INPP5F: variants seen among roughly 807,000 people sequenced by gnomAD.
The protein encoded by INPP5F is inositol polyphosphate-5-phosphatase F, also known as phosphatidylinositide 4-phosphatase SAC2.
Under a neutral mutation model 137.2 loss-of-function variants are expected in INPP5F, and 97 were observed. The observed-to-expected ratio is 0.71, with a 90% CI of 0.60 to 0.84. The LOEUF is 0.84. INPP5F is among the 40% of genes least tolerant of loss of function. INPP5F has a pLI of 0.00. For missense variants in INPP5F, 1,271 were observed against 1,371.9 expected (o/e 0.93, Z 1.16); for synonymous variants, 504 against 476.9 (o/e 1.06, Z -0.74).
rs1363022914 is a variant in INPP5F at position 119,828,465 on chromosome 10, G to T, written c.*685G>T. 2.6e-5 allele frequency: 4 copies of T among 152,108 alleles called. No individual in the cohort carries two copies. Among genetic ancestry groups the T allele is most frequent in the Admixed American group, 1.3e-4 (2 of 15,266 alleles). The allele number at this position is 152,108 out of a possible 1,614,324, so 9.4% of individuals were successfully genotyped here. A position where few individuals can be genotyped will look rare whatever the true frequency, so the allele number is the denominator to read the frequency against. On this transcript the variant is annotated 3_prime_UTR_variant, in exon 20 of 20. Transcript: ENST00000650623. ...CAGAGGTGAATACCAGCACCTATTAGGTTTCATTTTGCTGTTTTCAGGAAT... is the reference window on the plus strand; with the variant it reads ...CAGAGGTGAATACCAGCACCTATTATGTTTCATTTTGCTGTTTTCAGGAAT...
chr10:119,796,593 T>C, intron 6 of INPP5F, 122 bp from the exon 7 acceptor site: 1 of 823,272 alleles, frequency 1.2e-6, no homozygotes, highest in East Asian at 2.4e-5. Context: ...GAAAATATGG[T>C]TGAATAATGG....
At chr10:119,809,540 T>A (rs992494206) in intron 13 of INPP5F, among the ~76,000 whole-genome samples, 1 of 152,150 alleles carries the variant, frequency 6.6e-6, no homozygotes, top group African/African-American at 2.4e-5. Context: ...TGCTCTGACA[T>A]CTTTGTTGTG....
intron 16 of INPP5F, 114 bp from the exon 17 acceptor site, chr10:119,822,317 C>T: frequency 1.9e-6 from 1 of 522,602 alleles, no homozygotes; most frequent in South Asian, 3.2e-5. Flanking sequence ...AATGTATGTG[C>T]TGTGGAAGAT....
rs1327046348 is a variant in INPP5F, at chr10:119,729,569, T to C, written c.97+3210T>C. On this transcript the variant is annotated intron_variant, in intron 1 of 19. Transcript: ENST00000650623. ...TATATTTCTATCTGATGTAGCATTA[T>C]CTCATTATCTTTTTTTTTTTTTTCT... 3.6e-5 allele frequency among the ~76,000 whole-genome samples: 5 copies of C among 139,406 alleles called. 1 individual carries two copies. The highest frequency in any genetic ancestry group is 1.3e-4 in the African/African-American group (5 of 37,332). 91.5% of individuals were successfully genotyped at this position (139,406 alleles called of 152,430 possible).
In INPP5F at chr10:119,760,249, C is replaced by T. The variant is rs535091335; in HGVS notation, c.178+9093C>T. 6.6e-5 allele frequency among the ~76,000 whole-genome samples: 10 copies of T among 152,224 alleles called. No individual in the cohort carries two copies. In the South Asian group the frequency reaches 2.1e-3, roughly 32 times the overall value. Reference sequence around the variant, plus strand: ...TTTCTTCAGTGATTTCAGTAGCAGCCATATTAAAGGTTTGTTTTCTAGCCT... The same window carrying T: ...TTTCTTCAGTGATTTCAGTAGCAGCTATATTAAAGGTTTGTTTTCTAGCCT... On this transcript the variant is annotated intron_variant, in intron 2 of 19. Coordinates refer to ENST00000650623, the MANE Select transcript of INPP5F (RefSeq NM_014937.4).
chr10:119,763,662 T>C (rs1849070702), intron 2 of INPP5F, among the ~76,000 whole-genome samples: 1 of 152,230 alleles, frequency 6.6e-6, no homozygotes, highest in African/African-American at 2.4e-5. Flanking sequence ...GGCACACCTG[T>C]AGTGTTTTCC....
At chr10:119,726,878 C>T (rs977315444) in intron 1 of INPP5F, among the ~76,000 whole-genome samples, 2 of 152,196 alleles carry the variant, frequency 1.3e-5, no homozygotes, top group African/African-American at 4.8e-5. Context: ...CTGTGGTTAC[C>T]TCATAGGCAC....
At chr10:119,762,032 G>A (rs1382318822) in intron 2 of INPP5F, among the ~76,000 whole-genome samples, 1 of 152,134 alleles carries the variant, frequency 6.6e-6, no homozygotes, top group Non-Finnish European at 1.5e-5. Flanking sequence ...TAGAACCTCC[G>A]TATATGAAAA....
At chr10:119,795,303 C>G (rs1159289622) in intron 6 of INPP5F, among the ~76,000 whole-genome samples, 19 of 151,778 alleles carry the variant, frequency 1.3e-4, no homozygotes, top group Non-Finnish European at 2.8e-4. Flanking sequence ...CAGGCGGAGA[C>G]GCTCCTCACT....
chr10:119,726,807 A>G (rs958609839), intron 1 of INPP5F, among the ~76,000 whole-genome samples: 1 of 152,138 alleles, frequency 6.6e-6, no homozygotes, highest in Non-Finnish European at 1.5e-5. Context: ...TCTGCTGGAC[A>G]CTCACTCCCT....
chr10:119,801,658 T>C (rs528420419), intron 9 of INPP5F, among the ~76,000 whole-genome samples: 1 of 152,284 alleles, frequency 6.6e-6, no homozygotes, highest in South Asian at 2.1e-4. Flanking sequence ...GAGAATCACT[T>C]GAGCCCAGCA....
chr10:119,733,503 G>GTA (rs1848144320), intron 1 of INPP5F, among the ~76,000 whole-genome samples: 2 of 152,212 alleles, frequency 1.3e-5, no homozygotes, highest in Admixed American at 1.3e-4. Context: ...CTTTCTCAGT[G>GTA]TAGCTTTTCA....
At chr10:119,822,082 G>T (rs904105754) in intron 16 of INPP5F, among the ~76,000 whole-genome samples, 35 of 151,926 alleles carry the variant, frequency 2.3e-4, no homozygotes, top group Middle Eastern at 3.4e-3. Flanking sequence ...TAAAGACGGG[G>T]TTTCTCCGTG....
chr10:119,811,722 TA>T, intron 14 of INPP5F, 34 bp from the exon 15 acceptor site: 2 of 1,522,828 alleles, frequency 1.3e-6, no homozygotes, highest in Non-Finnish European at 9.0e-7. Context: ...ATTAGTAAAC[TA>T]AAATGATGAT....
intron 10 of INPP5F, 139 bp from the exon 11 acceptor site, chr10:119,805,245 T>C: frequency 1.6e-6 from 1 of 616,996 alleles, no homozygotes; most frequent in South Asian, 2.1e-5. Flanking sequence ...CTATATAATA[T>C]ATAGTAGTAT....
chr10:119,771,843 GAGATATAT>G (rs1302497849), intron 2 of INPP5F, among the ~76,000 whole-genome samples: 2 of 40,868 alleles, frequency 4.9e-5, no homozygotes, highest in East Asian at 5.9e-4. Flanking sequence ...ATAAAGTATG[GAGATATAT>G]ATATATATAT....
At chr10:119,727,289 T>G (rs910123126) in intron 1 of INPP5F, among the ~76,000 whole-genome samples, 1 of 152,242 alleles carries the variant, frequency 6.6e-6, no homozygotes, top group Admixed American at 6.5e-5. Context: ...GTAATTCTTA[T>G]GTGCAGTCTA....
chr10:119,783,459 C>G (rs1488608361), intron 3 of INPP5F, among the ~76,000 whole-genome samples: 1 of 151,736 alleles, frequency 6.6e-6, no homozygotes, highest in Admixed American at 6.6e-5. Flanking sequence ...TTTGGCACTC[C>G]CAGTTCTTCG....
At chr10:119,788,814 T>C (rs1409327609) in intron 3 of INPP5F, among the ~76,000 whole-genome samples, 2 of 152,212 alleles carry the variant, frequency 1.3e-5, no homozygotes, top group Admixed American at 1.3e-4. Flanking sequence ...GGACTCGGTC[T>C]TTCTGAGTGA....
Sources: allele counts gnomAD v4.1 joint callset (sites outside exome capture counted in the v4.1 genomes callset), GRCh38; gene constraint gnomAD v4.1.1; transcripts MANE v1.5; gene names NCBI Gene and HGNC (gene_info 2026-07-23, HGNC 2026-07-21).